The following NEDD4L variants were observed in gnomAD, a reference collection of about 807,000 sequenced individuals.
NEDD4L encodes NEDD4 like E3 ubiquitin protein ligase.
A neutral mutation model predicts 148.9 loss-of-function variants in NEDD4L; 54 were observed. That is an observed-to-expected ratio of 0.36 (90% CI 0.29 to 0.45). NEDD4L has a LOEUF of 0.45. NEDD4L is among the 20% of genes least tolerant of loss of function. NEDD4L has a pLI of 1.00. For synonymous variants in NEDD4L, 433 were observed against 440.7 expected, an observed-to-expected ratio of 0.98 and a Z score of 0.22; for missense variants, 856 against 1,233.8, an observed-to-expected ratio of 0.69 and a Z score of 4.59.
chr18:58,116,158 C>T (rs1253720036), intron 1 of NEDD4L, among the ~76,000 whole-genome samples: 1 of 152,246 alleles, frequency 6.6e-6, no homozygotes, highest in Non-Finnish European at 1.5e-5. Context: ...GCAGTGACCA[C>T]CTGGTCATTT....
chr18:58,345,344 C>A (rs780759179), intron 16 of NEDD4L, among the ~76,000 whole-genome samples: 1 of 152,262 alleles, frequency 6.6e-6, no homozygotes, highest in South Asian at 2.1e-4. Context: ...GATGAAGAGC[C>A]GGAGGGAAGC....
chr18:58,092,406 G>A (rs923120390), intron 1 of NEDD4L, among the ~76,000 whole-genome samples: 5 of 152,162 alleles, frequency 3.3e-5, no homozygotes, highest in African/African-American at 1.2e-4. Context: ...TTGAATTGAG[G>A]GTGGAAGCGG....
chr18:58,157,942 G>A (rs1461830187), intron 1 of NEDD4L, among the ~76,000 whole-genome samples: 1 of 152,210 alleles, frequency 6.6e-6, no homozygotes, highest in African/African-American at 2.4e-5. Flanking sequence ...AGAGTTAGCA[G>A]CTTATAAAGC....
intron 1 of NEDD4L, among the ~76,000 whole-genome samples, chr18:58,152,943 A>G (rs944365913): frequency 6.6e-6 from 1 of 152,220 alleles, no homozygotes; most frequent in Non-Finnish European, 1.5e-5. Context: ...CATGACAGGC[A>G]TCAACATTCC....
In NEDD4L at chr18:58,178,114, A is replaced by G. The variant is rs146454568; in HGVS notation, c.122+12253A>G. Among the ~76,000 whole-genome samples, 142 of 152,268 alleles carry G rather than the reference A, an allele frequency of 9.3e-4. No individual in the cohort carries two copies. In the Middle Eastern group the frequency reaches 0.014, roughly 15 times the overall value. On this transcript the variant is annotated intron_variant, in intron 2 of 30. Coordinates refer to ENST00000400345, the MANE Select transcript of NEDD4L (RefSeq NM_001144967.3). The stretch of plus-strand genomic sequence containing the variant: ...ATGGTCCACGGGCTGCAGTCTGCCA[A>G]CCTCTGATGTTATAAGCCATTGATT...
intron 25 of NEDD4L, among the ~76,000 whole-genome samples, 170 bp downstream of exon 25, chr18:58,383,489 A>G (rs1323507791): frequency 1.3e-5 from 2 of 152,184 alleles, no homozygotes; most frequent in Admixed American, 6.5e-5. Flanking sequence ...TGAATATGGG[A>G]TGGAAAGTCT....
At chr18:58,063,886 G>T (rs991342440) in intron 1 of NEDD4L, among the ~76,000 whole-genome samples, 1 of 149,952 alleles carries the variant, frequency 6.7e-6, no homozygotes, top group Non-Finnish European at 1.5e-5. Flanking sequence ...CGGTAAGGTA[G>T]AACCCCTTTA....
chr18:58,123,035 A>G (rs1266493472), intron 1 of NEDD4L, among the ~76,000 whole-genome samples: 3 of 151,856 alleles, frequency 2.0e-5, no homozygotes, highest in Non-Finnish European at 2.9e-5. Flanking sequence ...ACCTGGCCCC[A>G]CTGACTGTTT....
rs563074195 is a variant in NEDD4L at position 58,218,500 on chromosome 18, C to G, written c.123-26927C>G. ...ACTGCCAGACTTCTGGGAGACCCAC[C>G]CCTGGTCTTCCCAGGTGTCTCTTCA... is the stretch of plus-strand genomic sequence containing the variant. On this transcript the variant is annotated intron_variant, in intron 2 of 30. Coordinates refer to ENST00000400345, the MANE Select transcript of NEDD4L (RefSeq NM_001144967.3). Among the ~76,000 whole-genome samples the G allele has an allele frequency of 1.4e-3, 206 of 152,276 alleles. 1 individual carries two copies. The highest frequency in any genetic ancestry group is 1.0e-4 in the Non-Finnish European group (7 of 68,026).
chr18:58,319,817 T>C (rs762694091), intron 6 of NEDD4L, among the ~76,000 whole-genome samples: 11 of 152,244 alleles, frequency 7.2e-5, no homozygotes, highest in African/African-American at 2.4e-4. Context: ...ACAAATGATA[T>C]GAACGTGTAG....
In NEDD4L at chr18:58,211,004, A is replaced by G. The variant is rs190720244; in HGVS notation, c.123-34423A>G. 3.5e-3 allele frequency among the ~76,000 whole-genome samples: 532 copies of G among 152,342 alleles called. 3 individuals are homozygous for G. The highest frequency in any genetic ancestry group is 0.012 in the African/African-American group (500 of 41,584). ...GAGAGGAATATATGAATAAGTCAGT[A>G]GAGGCTAGAAACCTATCTGAAAAAG... On this transcript the variant is annotated intron_variant, in intron 2 of 30. Coordinates refer to ENST00000400345, the MANE Select transcript of NEDD4L (RefSeq NM_001144967.3).
intron 16 of NEDD4L, among the ~76,000 whole-genome samples, chr18:58,348,663 T>C (rs2043447475): frequency 6.6e-6 from 1 of 152,098 alleles, no homozygotes; most frequent in Admixed American, 6.5e-5. Flanking sequence ...GCTCCTGGAC[T>C]CTGGGTCATA....
chr18:58,243,616 G>A (rs1003988794), intron 2 of NEDD4L, among the ~76,000 whole-genome samples: 6 of 152,120 alleles, frequency 3.9e-5, no homozygotes, highest in Non-Finnish European at 7.4e-5. Context: ...GGAAAGTGAC[G>A]CCTGATTCAT....
intron 1 of NEDD4L, among the ~76,000 whole-genome samples, chr18:58,088,293 T>C (rs1050624009): frequency 6.6e-6 from 1 of 152,218 alleles, no homozygotes; most frequent in Non-Finnish European, 1.5e-5. Context: ...GAGAGGTGAC[T>C]ACATGAGGGT....
intron 22 of NEDD4L, among the ~76,000 whole-genome samples, chr18:58,369,330 C>A (rs1233596515): frequency 6.6e-6 from 1 of 152,152 alleles, no homozygotes; most frequent in East Asian, 1.9e-4. Flanking sequence ...TAAAGTGACC[C>A]CGACAAGAGT....
intron 5 of NEDD4L, among the ~76,000 whole-genome samples, chr18:58,276,694 A>ATATTATTATTAT (rs143837901): frequency 1.6e-4 from 16 of 97,828 alleles, no homozygotes; most frequent in African/African-American, 5.4e-4. Context: ...AATAATAATA[A>ATATTATTATTAT]TATTATTATT....
intron 1 of NEDD4L, among the ~76,000 whole-genome samples, chr18:58,124,507 T>A (rs2030664280): frequency 6.6e-6 from 1 of 152,180 alleles, no homozygotes; most frequent in South Asian, 2.1e-4. Context: ...TCCAACACTC[T>A]CTGTAAGTGG....
At chr18:58,176,321 CT>C (rs1258529463) in intron 2 of NEDD4L, among the ~76,000 whole-genome samples, 1 of 151,988 alleles carries the variant, frequency 6.6e-6, no homozygotes, top group African/African-American at 2.4e-5. Flanking sequence ...CATTTCCCCC[CT>C]CATCTCTTTC....
chr18:58,186,149 A>G lies in NEDD4L; in HGVS notation c.122+20288A>G, dbSNP rs553148281. On this transcript the variant is annotated intron_variant, in intron 2 of 30. Coordinates refer to ENST00000400345, the MANE Select transcript of NEDD4L (RefSeq NM_001144967.3). ...CACAAGAACATACATTCCCTAGTTGACGGAGTCGCAGATTAGAAACAACAG... is the reference window on the plus strand; with the variant it reads ...CACAAGAACATACATTCCCTAGTTGGCGGAGTCGCAGATTAGAAACAACAG... Among the ~76,000 whole-genome samples, 10 of 152,370 alleles carry G rather than the reference A, an allele frequency of 6.6e-5. 1 individual carries two copies. The South Asian group carries it at 2.1e-3, about 32-fold the overall frequency.
Sources: allele counts gnomAD v4.1 joint callset (sites outside exome capture counted in the v4.1 genomes callset), GRCh38; gene constraint gnomAD v4.1.1; transcripts MANE v1.5; gene names NCBI Gene and HGNC (gene_info 2026-07-23, HGNC 2026-07-21).